The following UNC79 variants were observed in gnomAD, a reference collection of about 807,000 sequenced individuals.
The protein encoded by UNC79 is protein unc-79 homolog.
Under a neutral mutation model 283.1 loss-of-function variants are expected in UNC79, and 37 were observed. That is an observed-to-expected ratio of 0.13 (90% confidence interval 0.10 to 0.17). The LOEUF is 0.17. Among genes scored for constraint, UNC79 ranks in the 10% least tolerant of loss-of-function variants. The pLI, the probability that UNC79 is intolerant of heterozygous loss-of-function variation, is 1.00. For synonymous variants in UNC79, 1,107 were observed against 1,200.2 expected, an observed-to-expected ratio of 0.92 and a Z score of 1.61; for missense variants, 2,272 against 3,211.1, an observed-to-expected ratio of 0.71 and a Z score of 7.07.
chr14:93,674,272 A>C (rs904912935), intron 41 of UNC79, among the ~76,000 whole-genome samples: 1 of 152,228 alleles, frequency 6.6e-6, no homozygotes, highest in African/African-American at 2.4e-5. Context: ...TGGAGGGTAC[A>C]GACAAATGTC....
chr14:93,443,265 C>G (rs2056363958), intron 1 of UNC79, among the ~76,000 whole-genome samples: 1 of 129,036 alleles, frequency 7.7e-6, no homozygotes, highest in Non-Finnish European at 1.7e-5. Context: ...ATACCCTTAT[C>G]CTTATCTTAG....
At chr14:93,667,222 AAGG>A (rs995037043) in intron 40 of UNC79, among the ~76,000 whole-genome samples, 1 of 149,444 alleles carries the variant, frequency 6.7e-6, no homozygotes, top group Non-Finnish European at 1.5e-5. Flanking sequence ...GGAAGGAACA[AAGG>A]AGGGAGAGAA....
intron 5 of UNC79, among the ~76,000 whole-genome samples, chr14:93,491,591 A>C (rs557755291): frequency 6.6e-6 from 1 of 152,210 alleles, no homozygotes; most frequent in Non-Finnish European, 1.5e-5. Context: ...GTCCTCATCT[A>C]TAAAATGGAA....
Position 93,597,302 on chromosome 14 carries a change from C to T in UNC79, c.3191-57C>T, listed in dbSNP as rs114442512. On this transcript the variant is annotated intron_variant, in intron 23 of 48. Coordinates refer to ENST00000555664, the Ensembl canonical transcript of UNC79. ...CAGACTGGCTAAATAAATGTGTATG[C>T]GTGTGCCTGTAGGTGTGTGTGTATT... is the stretch of plus-strand genomic sequence containing the variant. The T allele has an allele frequency of 9.5e-4, 1,468 of 1,548,866 alleles. 12 individuals are homozygous for T. In the African/African-American group the frequency reaches 0.017, roughly 18 times the overall value.
At chr14:93,588,301 A>G (rs1046619311) in intron 22 of UNC79, among the ~76,000 whole-genome samples, 15 of 152,218 alleles carry the variant, frequency 9.9e-5, no homozygotes, top group Non-Finnish European at 1.8e-4. Context: ...CCCAAATTTA[A>G]GAGAGTGCTA....
At chr14:93,347,611 C>G (rs2053884904) in intron 1 of UNC79, among the ~76,000 whole-genome samples, 1 of 151,866 alleles carries the variant, frequency 6.6e-6, no homozygotes, top group Non-Finnish European at 1.5e-5. Flanking sequence ...GGCACAGGGG[C>G]GGAAAGCCCG....
intron 4 of UNC79, among the ~76,000 whole-genome samples, chr14:93,479,128 G>T (rs1468210507): frequency 6.6e-6 from 1 of 151,814 alleles, no homozygotes; most frequent in Non-Finnish European, 1.5e-5. Flanking sequence ...GTTAAACTTA[G>T]GCATAAGAAT....
In UNC79 at chr14:93,344,553, G is replaced by A. The variant is rs146929933; in HGVS notation, c.-351+11030G>A. On this transcript the variant is annotated intron_variant, in intron 1 of 49. Transcript: ENST00000256339. ...CACTGTGGAAGGGCTTTCTTGCTAGGCAGGGAAAAAAAAACATGGCTCCCA... is the reference window on the plus strand; with the variant it reads ...CACTGTGGAAGGGCTTTCTTGCTAGACAGGGAAAAAAAAACATGGCTCCCA... 6.0e-4 allele frequency among the ~76,000 whole-genome samples: 92 copies of A among 152,086 alleles called. 1 individual carries two copies. The East Asian group carries it at 0.016, about 27-fold the overall frequency.
intron 2 of UNC79, among the ~76,000 whole-genome samples, chr14:93,470,274 A>G (rs560693604): frequency 3.3e-5 from 5 of 152,322 alleles, no homozygotes; most frequent in Admixed American, 3.3e-4. Context: ...GTGCATGCAT[A>G]CAACTCTCAT....
intron 1 of UNC79, among the ~76,000 whole-genome samples, chr14:93,383,153 T>C (rs1320339118): frequency 6.6e-6 from 1 of 152,142 alleles, no homozygotes; most frequent in Non-Finnish European, 1.5e-5. Flanking sequence ...CTGGGACCGT[T>C]TTGGGTCTTT....
chr14:93,413,845 A>T (rs2055392071), intron 1 of UNC79, among the ~76,000 whole-genome samples: 1 of 131,796 alleles, frequency 7.6e-6, no homozygotes, highest in Admixed American at 8.0e-5. Context: ...GTGTCTGTTC[A>T]TGTCCTTCAC....
chr14:93,612,633 T>C (rs778595005), intron 26 of UNC79, among the ~76,000 whole-genome samples, 164 bp from the exon 28 acceptor site: 1 of 152,230 alleles, frequency 6.6e-6, no homozygotes, highest in Non-Finnish European at 1.5e-5. Flanking sequence ...ACTAGGGCTC[T>C]GCCTACTAGG....
chr14:93,347,307 C>T, intron 1 of UNC79: 1 of 1,605,984 alleles, frequency 6.2e-7, no homozygotes, highest in African/African-American at 1.3e-5. Context: ...CCCGCCGCCA[C>T]TACCGCCGCT....
At chr14:93,341,745 G>C (rs2053716116) in intron 1 of UNC79, among the ~76,000 whole-genome samples, 1 of 152,068 alleles carries the variant, frequency 6.6e-6, no homozygotes, top group Non-Finnish European at 1.5e-5. Flanking sequence ...AAAATTCTAA[G>C]GCCTCCCCCA....
At chr14:93,462,069 G>A (rs1276819536) in intron 1 of UNC79, among the ~76,000 whole-genome samples, 9 of 152,198 alleles carry the variant, frequency 5.9e-5, no homozygotes, top group Non-Finnish European at 1.3e-4. Context: ...CACTTTGGGA[G>A]GCCGAGGCGG....
At chr14:93,357,760 T>C (rs1178459204) in intron 1 of UNC79, among the ~76,000 whole-genome samples, 1 of 138,636 alleles carries the variant, frequency 7.2e-6, no homozygotes, top group Non-Finnish European at 1.5e-5. Flanking sequence ...TATATGGATA[T>C]ATATATATGG....
intron 1 of UNC79, among the ~76,000 whole-genome samples, chr14:93,381,604 C>T (rs2139989583): frequency 6.6e-6 from 1 of 152,308 alleles, no homozygotes; most frequent in East Asian, 1.9e-4. Flanking sequence ...ATGGGATTGT[C>T]TTAAGAGTCT....
intron 41 of UNC79, among the ~76,000 whole-genome samples, chr14:93,675,926 T>G (rs1285191904): frequency 1.3e-5 from 2 of 152,200 alleles, no homozygotes; most frequent in Non-Finnish European, 2.9e-5. Flanking sequence ...AGAAAATATC[T>G]GTGCTCCTAA....
chr14:93,607,102 A>G (rs1355992745), intron 26 of UNC79, among the ~76,000 whole-genome samples: 1 of 152,182 alleles, frequency 6.6e-6, no homozygotes, highest in Non-Finnish European at 1.5e-5. Context: ...AATTTGTATG[A>G]TTAGACGTAA....
Sources: allele counts gnomAD v4.1 joint callset (sites outside exome capture counted in the v4.1 genomes callset), GRCh38; gene constraint gnomAD v4.1.1; transcripts MANE v1.5; gene names NCBI Gene and HGNC (gene_info 2026-07-23, HGNC 2026-07-21).